The following KCNMB2 variants were observed in gnomAD, a reference collection of about 807,000 sequenced individuals.
The protein encoded by KCNMB2 is calcium-activated potassium channel subunit beta-2.
KCNMB2 carries 9 observed loss-of-function variants against 24.5 expected under a neutral mutation model. The observed-to-expected ratio is 0.37, with a 90% CI of 0.22 to 0.64. The LOEUF (loss-of-function observed/expected upper bound fraction) is 0.64. Among genes scored for constraint, KCNMB2 ranks in the 30% least tolerant of loss-of-function variants. The pLI, the probability that KCNMB2 is intolerant of heterozygous loss-of-function variation, is 0.63. For missense variants in KCNMB2, 226 were observed against 284.3 expected, an observed-to-expected ratio of 0.79 and a Z score of 1.47; for synonymous variants, 109 against 104.4, an observed-to-expected ratio of 1.04 and a Z score of -0.27.
At chr3:178,732,196 T>G (rs940995988) in intron 1 of KCNMB2, among the ~76,000 whole-genome samples, 1 of 152,218 alleles carries the variant, frequency 6.6e-6, no homozygotes, top group Admixed American at 6.5e-5. Flanking sequence ...TTATTAAAAT[T>G]TTTGTAAAAT....
In KCNMB2 at chr3:178,660,323, T is replaced by C. The variant is rs143493458; in HGVS notation, c.-68+123612T>C. Among the ~76,000 whole-genome samples, 516 of 152,312 alleles carry C rather than the reference T, an allele frequency of 3.4e-3. 5 individuals are homozygous for C. Among genetic ancestry groups the C allele is most frequent in the African/African-American group, 0.011 (463 of 41,574 alleles). ...CTGAAAATAGTCATTATTTTTATTA[T>C]TACGAATATTCCCTATCTGTGTGAT... On this transcript the variant is annotated intron_variant, in intron 1 of 4. Transcript: ENST00000452583.
At chr3:178,739,494 G>A (rs974587464) in intron 1 of KCNMB2, among the ~76,000 whole-genome samples, 1 of 152,282 alleles carries the variant, frequency 6.6e-6, no homozygotes, top group South Asian at 2.1e-4. Flanking sequence ...TCAACATACT[G>A]AGTCTGACCA....
intron 1 of KCNMB2, among the ~76,000 whole-genome samples, chr3:178,615,892 G>A (rs1334812458): frequency 2.0e-5 from 3 of 152,262 alleles, no homozygotes; most frequent in African/African-American, 7.2e-5. Flanking sequence ...GGTGATGAAT[G>A]CTGCCAGGAC....
chr3:178,709,813 T>C (rs1722391888), intron 1 of KCNMB2, among the ~76,000 whole-genome samples: 1 of 152,182 alleles, frequency 6.6e-6, no homozygotes, highest in African/African-American at 2.4e-5. Context: ...GTACTGCTCA[T>C]TTAAGCCATT....
At chr3:178,537,184 A>G (rs1560101959) in intron 1 of KCNMB2, 2 of 152,152 alleles carry the variant, frequency 1.3e-5, no homozygotes, top group Non-Finnish European at 2.9e-5. Context: ...TTCAAAGGGG[A>G]AATTGGAAGA....
chr3:178,778,455 GACACACACACACACACACACAC>G (rs71628070), intron 1 of KCNMB2, among the ~76,000 whole-genome samples: 32,978 of 127,460 alleles, frequency 0.26, 4,007 homozygotes, highest in Middle Eastern at 0.38. Context: ...TACCCTTTAA[GACACACACACACACACACACAC>G]ACACACACAC....
At chr3:178,714,965 A>G (rs774024759) in intron 1 of KCNMB2, among the ~76,000 whole-genome samples, 3 of 152,204 alleles carry the variant, frequency 2.0e-5, no homozygotes, top group Non-Finnish European at 2.9e-5. Context: ...ATGAAATTCT[A>G]TATGTCTGCC....
chr3:178,555,038 A>T (rs12488264), intron 1 of KCNMB2, among the ~76,000 whole-genome samples: 17,512 of 152,220 alleles, frequency 0.12, 1,190 homozygotes, highest in Middle Eastern at 0.22. Context: ...TGATGCCTTC[A>T]GGATGAAAAG....
At chr3:178,543,529 A>G (rs1431152854) in intron 1 of KCNMB2, among the ~76,000 whole-genome samples, 1 of 152,226 alleles carries the variant, frequency 6.6e-6, no homozygotes, top group Admixed American at 6.5e-5. Context: ...TTTGAATCCA[A>G]AGGGTGTTTC....
At chr3:178,762,028 A>G (rs1371597929) in intron 1 of KCNMB2, among the ~76,000 whole-genome samples, 2 of 152,022 alleles carry the variant, frequency 1.3e-5, no homozygotes, top group African/African-American at 4.8e-5. Context: ...AAAATTAACC[A>G]GGCGTCGTAG....
chr3:178,644,167 G>A (rs958073406), intron 1 of KCNMB2, among the ~76,000 whole-genome samples: 3 of 152,174 alleles, frequency 2.0e-5, no homozygotes, highest in African/African-American at 4.8e-5. Context: ...CCTAAATCAG[G>A]GAAGGTTCCC....
At chr3:178,796,976 A>ATTCT (rs1713572159) in intron 1 of KCNMB2, among the ~76,000 whole-genome samples, 1 of 152,096 alleles carries the variant, frequency 6.6e-6, no homozygotes, top group Non-Finnish European at 1.5e-5. Context: ...TTGAAAAGAT[A>ATTCT]AAGTTGAAAA....
intron 1 of KCNMB2, among the ~76,000 whole-genome samples, chr3:178,730,069 T>C (rs1723094077): frequency 6.6e-6 from 1 of 152,174 alleles, no homozygotes; most frequent in South Asian, 2.1e-4. Context: ...CTAGCCTAGT[T>C]TGACACATAT....
intron 1 of KCNMB2, among the ~76,000 whole-genome samples, chr3:178,756,359 C>A (rs1022803776): frequency 6.6e-6 from 1 of 151,722 alleles, no homozygotes; most frequent in African/African-American, 2.4e-5. Flanking sequence ...AGCCACTATT[C>A]CTATGGGAAA....
intron 1 of KCNMB2, among the ~76,000 whole-genome samples, chr3:178,655,285 T>C (rs1366387326): frequency 6.6e-6 from 1 of 152,196 alleles, no homozygotes; most frequent in Non-Finnish European, 1.5e-5. Context: ...ATAATTATTG[T>C]ATTATGTGTT....
intron 2 of KCNMB2, among the ~76,000 whole-genome samples, chr3:178,815,694 G>A (rs1435886127): frequency 6.6e-6 from 1 of 151,844 alleles, no homozygotes; most frequent in East Asian, 1.9e-4. Context: ...ATCATATTAA[G>A]GATGTTCCTA....
In KCNMB2 at chr3:178,757,812, G is replaced by A. The variant is rs1424942691; in HGVS notation, c.-67-49531G>A. 1.1e-4 allele frequency among the ~76,000 whole-genome samples: 11 copies of A among 100,270 alleles called. 1 individual carries two copies. The highest frequency in any genetic ancestry group is 3.6e-4 in the African/African-American group (9 of 25,096). The allele number at this position is 100,270 out of a possible 152,430, so 65.8% of individuals were successfully genotyped here. On this transcript the variant is annotated intron_variant, in intron 1 of 4. Transcript: ENST00000452583. The stretch of plus-strand genomic sequence containing the variant: ...CATATATCTTATATCCATCCAAGAG[G>A]ATATATATATACACATCCATCCAAG...
chr3:178,752,936 T>C (rs1406415253), intron 1 of KCNMB2, among the ~76,000 whole-genome samples: 1 of 152,244 alleles, frequency 6.6e-6, no homozygotes, highest in East Asian at 1.9e-4. Context: ...GGGCTAGTAA[T>C]CAGAATTCAC....
rs555298050 is a variant in KCNMB2, at chr3:178,602,718, G to T, written c.-68+66007G>T. Among the ~76,000 whole-genome samples, 4 of 152,214 alleles carry T rather than the reference G, an allele frequency of 2.6e-5. No individual in the cohort carries two copies. In the South Asian group the frequency reaches 8.3e-4, roughly 32 times the overall value. ...GTGAGTAAAGGACTGTAGCTTAGTA[G>T]GACAAGTATGAAGTGAGTGGGTTGA... On this transcript the variant is annotated intron_variant, in intron 1 of 4. Transcript: ENST00000452583.
Sources: gnomAD v4.1 joint callset for allele counts (sites outside exome capture counted in the v4.1 genomes callset) on GRCh38, gnomAD v4.1.1 for gene constraint, MANE v1.5 for transcripts, NCBI Gene and HGNC (gene_info 2026-07-23, HGNC 2026-07-21) for gene names.